The following ATXN2 variants were observed in gnomAD, a reference collection of about 807,000 sequenced individuals.
ATXN2 encodes the protein ataxin 2.
ATXN2 carries 37 observed loss-of-function variants against 138.6 expected under a neutral mutation model. That is an observed-to-expected ratio of 0.27 (90% confidence interval 0.21 to 0.35). ATXN2 has a LOEUF of 0.35. Ranked by LOEUF, ATXN2 falls within the 10% of genes least tolerant of loss-of-function variation. ATXN2 has a pLI of 1.00. For missense variants in ATXN2, 1,216 were observed against 1,480.3 expected (o/e 0.82, Z 2.93); for synonymous variants, 549 against 543.7 (o/e 1.01, Z -0.13).
At chr12:111,597,877 G>C (rs547051281) in intron 1 of ATXN2, 124 of 1,288,596 alleles carry the variant, frequency 9.6e-5, no homozygotes, top group Non-Finnish European at 1.2e-4. Flanking sequence ...CCGCCACCCC[G>C]GATCTCCAGG....
chr12:111,510,636 T>A (rs1879452644), intron 11 of ATXN2, 54 bp from the exon 12 acceptor site: 1 of 1,478,402 alleles, frequency 6.8e-7, no homozygotes, highest in African/African-American at 1.4e-5. Flanking sequence ...TGTTACTTCC[T>A]AAAAGAGGCT....
intron 1 of ATXN2, chr12:111,581,391 G>T: frequency 1.4e-6 from 1 of 692,838 alleles, no homozygotes; most frequent in Non-Finnish European, 2.7e-6. Context: ...GAACCACAAT[G>T]TCCAAACCTC....
Position 111,516,424 on chromosome 12 carries a change from A to G in ATXN2, c.1166-61T>C. ...ACTAAAGAAAAAAATGAGGGAAAAA[A>G]GTAAACAGAAAAAAAGTAAAATGAC... On this transcript the variant is annotated intron_variant, in intron 9 of 24. Coordinates refer to ENST00000673436, the MANE Select transcript of ATXN2 (RefSeq NM_001372574.1). This position sits in a 1 kb window ranked among gnomAD's most constrained non-coding sequence, Gnocchi z 5.0. The G allele has an allele frequency of 7.0e-7, 1 of 1,420,054 alleles. No homozygotes were observed. The highest frequency in any genetic ancestry group is 2.6e-5 in the East Asian group (1 of 38,832). 88.0% of individuals were successfully genotyped at this position (1,420,054 alleles called of 1,614,324 possible). A position where few individuals can be genotyped will look rare whatever the true frequency, so the allele number is the denominator to read the frequency against.
At chr12:111,555,344 G>A (rs1324462292) in intron 2 of ATXN2, among the ~76,000 whole-genome samples, 1 of 152,056 alleles carries the variant, frequency 6.6e-6, no homozygotes, top group Non-Finnish European at 1.5e-5. Flanking sequence ...TTGGTTCTGT[G>A]TCCCCACCCA....
intron 1 of ATXN2, among the ~76,000 whole-genome samples, chr12:111,574,218 G>T (rs1479023463): frequency 3.5e-5 from 5 of 142,260 alleles, no homozygotes; most frequent in African/African-American, 1.3e-4. Flanking sequence ...GGAGGCAGGA[G>T]AATGGCGTGA....
Position 111,453,368 on chromosome 12 carries a change from C to T in ATXN2, c.3439+309G>A. ...TTGGGACTCAGGAAGGAAAACACTG[C>T]CCTGTCCAGCCTGTCATAACAAGGA... On this transcript the variant is annotated intron_variant, in intron 24 of 24. Coordinates refer to ENST00000673436, the MANE Select transcript of ATXN2 (RefSeq NM_001372574.1). This position sits in a 1 kb window ranked among gnomAD's most constrained non-coding sequence, Gnocchi z 5.4. The T allele has an allele frequency of 8.8e-7, 1 of 1,132,908 alleles. No individual in the cohort carries two copies. The allele number at this position is 1,132,908 out of a possible 1,614,324, so 70.2% of individuals were successfully genotyped here. A position where few individuals can be genotyped will look rare whatever the true frequency, so the allele number is the denominator to read the frequency against.
In ATXN2 at chr12:111,575,534, C is replaced by T. The variant is rs1031985175; in HGVS notation, c.252-19615G>A. Among the ~76,000 whole-genome samples, 8 of 152,122 alleles carry T rather than the reference C, an allele frequency of 5.3e-5. No homozygotes were observed. In the South Asian group the frequency reaches 1.7e-3, roughly 32 times the overall value. On this transcript the variant is annotated intron_variant, in intron 1 of 24. Coordinates refer to ENST00000673436, the MANE Select transcript of ATXN2 (RefSeq NM_001372574.1). ...GAACTCCTTTCAAGATTTTATGAGA[C>T]AGAAGTAAACATCAGCATCTCAAAC...
chr12:111,566,822 G>C (rs1883038579), intron 1 of ATXN2, among the ~76,000 whole-genome samples: 1 of 152,036 alleles, frequency 6.6e-6, no homozygotes, highest in Non-Finnish European at 1.5e-5. Context: ...ATTTTTAGTA[G>C]AAACGGGGTT....
chr12:111,520,449 G>A (rs1042030025), intron 7 of ATXN2, among the ~76,000 whole-genome samples: 1 of 152,062 alleles, frequency 6.6e-6, no homozygotes, highest in South Asian at 2.1e-4. Context: ...TGAAGAGATC[G>A]AGACTATCCT....
Position 111,470,700 on chromosome 12 carries a change from C to T in ATXN2, c.2567G>A (p.Ser856Asn), listed in dbSNP as rs1186553172. 1.2e-6 allele frequency: 2 copies of T among 1,614,076 alleles called. No homozygotes were observed. The highest frequency in any genetic ancestry group is 1.7e-6 in the Non-Finnish European group (2 of 1,180,018). The change falls in exon 19 of 25, where the codon AGT becomes AAT. Residue 856 changes from serine (S) to asparagine (N), a missense_variant. Physicochemically the swap from Ser to Asn is conservative, Grantham distance 46. Coordinates refer to ENST00000673436, the MANE Select transcript of ATXN2 (RefSeq NM_001372574.1). ...TGCTGACGCTGGGTGCATCATGGCA[C>T]TCTGATGATGCTGGTCTTGCCGCTG... ...PQQRQDQHHQSAMMHPASAAG... is the reference protein window; with the variant it reads ...PQQRQDQHHQNAMMHPASAAG...
At chr12:111,502,131 T>C (rs1878814794) in intron 14 of ATXN2, among the ~76,000 whole-genome samples, 1 of 152,182 alleles carries the variant, frequency 6.6e-6, no homozygotes. Context: ...GAGCTCAAGC[T>C]ATCCACCTGT....
At chr12:111,485,496 C>T (rs1177295396) in intron 17 of ATXN2, among the ~76,000 whole-genome samples, 165 bp from the exon 18 acceptor site, 1 of 152,182 alleles carries the variant, frequency 6.6e-6, no homozygotes, top group Non-Finnish European at 1.5e-5. Flanking sequence ...AAGGAACAAA[C>T]CCCAAACTAC....
Position 111,552,558 on chromosome 12 carries a change from C to A in ATXN2, c.421-128G>T. ...AAAATAATCTCAAGAGAATCATACC[C>A]TTTTTCCCAGGCATATGATCTATTA... On this transcript the variant is annotated intron_variant, in intron 4 of 24. Coordinates refer to ENST00000673436, the MANE Select transcript of ATXN2 (RefSeq NM_001372574.1). The surrounding 1 kb of genome is among the most constrained non-coding windows in gnomAD (Gnocchi z 4.1). 1 of 950,476 alleles carries A rather than the reference C, an allele frequency of 1.1e-6. No individual in the cohort carries two copies. The highest frequency in any genetic ancestry group is 1.5e-6 in the Non-Finnish European group (1 of 667,248). The allele number at this position is 950,476 out of a possible 1,614,324, so 58.9% of individuals were successfully genotyped here.
chr12:111,509,422 T>C lies in ATXN2; in HGVS notation c.1935+127A>G, dbSNP rs373067856. On this transcript the variant is annotated intron_variant, in intron 14 of 24. Transcript: ENST00000673436. ...GGATAGGCAAAGACCACTTTAAAAA[T>C]GTTCTGCTTTCTACATATATGGTTT... The C allele has an allele frequency of 9.4e-4, 581 of 620,040 alleles. 6 individuals are homozygous for C. In the South Asian group the frequency reaches 9.4e-3, roughly 10 times the overall value. 38.4% of individuals were successfully genotyped at this position (620,040 alleles called of 1,614,324 possible).
At chr12:111,525,383 T>C (rs1880425708) in intron 5 of ATXN2, 67 bp from the exon 6 acceptor site, 1 of 1,402,266 alleles carries the variant, frequency 7.1e-7, no homozygotes. Flanking sequence ...CACACGTGAA[T>C]TACCAACAAA....
At position 111,554,227 on chromosome 12, in the gene ATXN2, T is replaced by TAAAA; in HGVS notation, c.289-14_289-11dup. 9.8e-6 allele frequency: 11 copies of TAAAA among 1,126,060 alleles called. No homozygotes were observed. Among genetic ancestry groups the TAAAA allele is most frequent in the Admixed American group, 7.0e-5 (2 of 28,770 alleles). The allele number at this position is 1,126,060 out of a possible 1,614,324, so 69.8% of individuals were successfully genotyped here. ...TTCCATCAAAAGAAATCTGGAATAT[T>TAAAA]AAAAAAAAAAAAAACTATTAGAAAT... On this transcript the variant is annotated splice_polypyrimidine_tract_variant and intron_variant, in intron 2 of 24. Coordinates refer to ENST00000673436, the MANE Select transcript of ATXN2 (RefSeq NM_001372574.1).
intron 14 of ATXN2, among the ~76,000 whole-genome samples, chr12:111,489,994 G>A (rs552245001): frequency 6.6e-6 from 1 of 151,864 alleles, no homozygotes; most frequent in East Asian, 1.9e-4. Context: ...CTTGAGGTCA[G>A]GAGTTTAAGA....
At chr12:111,584,144 C>T (rs528138980) in intron 1 of ATXN2, among the ~76,000 whole-genome samples, 6 of 151,554 alleles carry the variant, frequency 4.0e-5, no homozygotes, top group East Asian at 3.9e-4. Context: ...CATTTCTGGA[C>T]ACCAAGGTGG....
intron 12 of ATXN2, among the ~76,000 whole-genome samples, 159 bp downstream of exon 12, chr12:111,510,226 T>A (rs1879423333): frequency 6.6e-6 from 1 of 152,232 alleles, no homozygotes; most frequent in Admixed American, 6.5e-5. Context: ...ATTAAATTAG[T>A]AGTATTAAAC....
Sources: gnomAD v4.1 joint callset for allele counts (sites outside exome capture counted in the v4.1 genomes callset) on GRCh38, gnomAD v4.1.1 for gene constraint, Gnocchi (gnomAD v3.1) non-coding constraint, MANE v1.5 for transcripts, NCBI Gene and HGNC (gene_info 2026-07-23, HGNC 2026-07-21) for gene names.